Variants in DIS3L2 observed in about 807,000 individuals in gnomAD.
The protein encoded by DIS3L2 is DIS3 like 3'-5' exoribonuclease 2, also known as DIS3-like exonuclease 2.
Under a neutral mutation model 97.5 loss-of-function variants are expected in DIS3L2, and 34 were observed. The observed-to-expected ratio is 0.35, with a 90% CI of 0.27 to 0.46. DIS3L2 has a LOEUF of 0.46. Ranked by LOEUF, DIS3L2 falls within the 20% of genes least tolerant of loss-of-function variation. DIS3L2 has a pLI of 1.00. For synonymous variants in DIS3L2, 435 were observed against 445.2 expected, an observed-to-expected ratio of 0.98 and a Z score of 0.29; for missense variants, 1,038 against 1,146.0, an observed-to-expected ratio of 0.91 and a Z score of 1.36.
At chr2:231,976,759 C>T (rs994359463) in intron 1 of DIS3L2, among the ~76,000 whole-genome samples, 3 of 148,698 alleles carry the variant, frequency 2.0e-5, no homozygotes, top group African/African-American at 5.0e-5. Context: ...TCATTTAACA[C>T]GAAGCCTTTT....
chr2:232,229,204 A>C (rs901479040), intron 10 of DIS3L2, among the ~76,000 whole-genome samples: 2 of 151,998 alleles, frequency 1.3e-5, no homozygotes, highest in African/African-American at 4.8e-5. Flanking sequence ...TGGATGAAGA[A>C]TTTTGAACAT....
intron 10 of DIS3L2, among the ~76,000 whole-genome samples, chr2:232,226,305 G>T (rs1425222024): frequency 2.0e-5 from 3 of 152,192 alleles, no homozygotes; most frequent in African/African-American, 7.2e-5. Flanking sequence ...CCTTTGGTAT[G>T]ATAGGTGAGC....
At chr2:232,131,504 G>T (rs1212806333) in intron 7 of DIS3L2, 1 of 151,962 alleles carries the variant, frequency 6.6e-6, no homozygotes. Flanking sequence ...GGCTGGTCTC[G>T]AACTCCTGAC....
chr2:232,103,044 A>G (rs1163117409), intron 6 of DIS3L2, among the ~76,000 whole-genome samples: 1 of 152,176 alleles, frequency 6.6e-6, no homozygotes, highest in African/African-American at 2.4e-5. Context: ...AAATTAATGA[A>G]GCCTTCAAGT....
chr2:232,007,089 G>A (rs1272403300), intron 1 of DIS3L2, among the ~76,000 whole-genome samples: 1 of 152,178 alleles, frequency 6.6e-6, no homozygotes, highest in African/African-American at 2.4e-5. Flanking sequence ...GCCTGAGGTG[G>A]GCAGAAGGGG....
chr2:232,144,561 C>T (rs184607593), intron 8 of DIS3L2, among the ~76,000 whole-genome samples: 1 of 152,024 alleles, frequency 6.6e-6, no homozygotes, highest in Non-Finnish European at 1.5e-5. Flanking sequence ...ATCTTTTAAC[C>T]TATCTTCTCC....
At chr2:232,086,612 T>TA (rs1696633622) in intron 5 of DIS3L2, among the ~76,000 whole-genome samples, 1 of 91,180 alleles carries the variant, frequency 1.1e-5, no homozygotes, top group Admixed American at 1.3e-4. Context: ...TGTGTGTGTG[T>TA]GTATATATAT....
chr2:231,971,888 T>G (rs1692926844), intron 1 of DIS3L2, among the ~76,000 whole-genome samples: 1 of 150,934 alleles, frequency 6.6e-6, no homozygotes, highest in Admixed American at 6.6e-5. Flanking sequence ...GCCCATCTTT[T>G]TTAAATAAGT....
At chr2:232,273,836 A>G (rs1294655468) in intron 13 of DIS3L2, among the ~76,000 whole-genome samples, 1 of 152,202 alleles carries the variant, frequency 6.6e-6, no homozygotes, top group Non-Finnish European at 1.5e-5. Flanking sequence ...AAACTTCAGA[A>G]GGTTCTCTAG....
intron 11 of DIS3L2, among the ~76,000 whole-genome samples, chr2:232,244,376 T>C (rs1444679805): frequency 3.3e-5 from 5 of 152,146 alleles, no homozygotes; most frequent in African/African-American, 1.2e-4. Flanking sequence ...TTTGCTTCCT[T>C]GCTTATTTAA....
At chr2:232,259,763 T>G (rs1490553310) in intron 12 of DIS3L2, 1 of 152,144 alleles carries the variant, frequency 6.6e-6, no homozygotes, top group Non-Finnish European at 1.5e-5. Flanking sequence ...GGATTACAGG[T>G]GCGCACTACC....
At chr2:232,158,455 G>GT (rs1275745896) in intron 8 of DIS3L2, among the ~76,000 whole-genome samples, 4 of 152,014 alleles carry the variant, frequency 2.6e-5, no homozygotes, top group Non-Finnish European at 5.9e-5. Flanking sequence ...CTTTCAATTT[G>GT]TTTTTTCTGT....
At chr2:232,283,512 A>G (rs1190881395) in intron 13 of DIS3L2, among the ~76,000 whole-genome samples, 2 of 151,480 alleles carry the variant, frequency 1.3e-5, no homozygotes, top group Non-Finnish European at 2.9e-5. Context: ...CTGCCTCTGC[A>G]CCCCCATAGT....
chr2:232,100,417 G>A (rs1697163100), intron 6 of DIS3L2, among the ~76,000 whole-genome samples: 1 of 151,718 alleles, frequency 6.6e-6, no homozygotes, highest in African/African-American at 2.4e-5. Flanking sequence ...TATTTTCCAG[G>A]GATGTTGCTT....
chr2:232,021,439 TATTTGA>T (rs1026017637), intron 3 of DIS3L2, among the ~76,000 whole-genome samples: 6 of 151,978 alleles, frequency 3.9e-5, no homozygotes, highest in African/African-American at 1.5e-4. Context: ...GAAAGTGCGA[TATTTGA>T]ATTTTTTTTT....
intron 6 of DIS3L2, among the ~76,000 whole-genome samples, chr2:232,129,224 C>T (rs1574897190): frequency 6.6e-6 from 1 of 152,294 alleles, no homozygotes; most frequent in Non-Finnish European, 1.5e-5. Context: ...CATTTGAGAC[C>T]AAACTAGTTG....
chr2:232,047,288 G>C (rs974491430), intron 5 of DIS3L2, among the ~76,000 whole-genome samples: 7 of 152,170 alleles, frequency 4.6e-5, no homozygotes, highest in African/African-American at 1.7e-4. Context: ...AGTGCATCAG[G>C]TGGGATTAGA....
chr2:232,112,322 A>G (rs1559641125), intron 6 of DIS3L2, among the ~76,000 whole-genome samples: 1 of 152,216 alleles, frequency 6.6e-6, no homozygotes, highest in Non-Finnish European at 1.5e-5. Context: ...GGATTATGCT[A>G]TTTTACAACT....
chr2:232,235,526 C>T (rs977062182), intron 10 of DIS3L2, among the ~76,000 whole-genome samples: 8 of 152,180 alleles, frequency 5.3e-5, no homozygotes, highest in Middle Eastern at 3.2e-3. Context: ...AAATTTAAGC[C>T]TCTTGAATAT....
Sources: allele counts gnomAD v4.1 joint callset (sites outside exome capture counted in the v4.1 genomes callset), GRCh38; gene constraint gnomAD v4.1.1; transcripts MANE v1.5; gene names NCBI Gene and HGNC (gene_info 2026-07-23, HGNC 2026-07-21).